PDS5B: variants seen among roughly 807,000 people sequenced by gnomAD.
PDS5B encodes the protein PDS5 cohesin associated factor B, also known as sister chromatid cohesion protein PDS5 homolog B.
A neutral mutation model predicts 184.1 loss-of-function variants in PDS5B; 51 were observed. The observed-to-expected ratio is 0.28, with a 90% CI of 0.22 to 0.35. The LOEUF (loss-of-function observed/expected upper bound fraction) is 0.35. Among genes scored for constraint, PDS5B ranks in the 10% least tolerant of loss-of-function variants. PDS5B has a pLI of 1.00. For missense variants in PDS5B, 1,180 were observed against 1,723.3 expected, an observed-to-expected ratio of 0.68 and a Z score of 5.58; for synonymous variants, 566 against 569.2, an observed-to-expected ratio of 0.99 and a Z score of 0.08.
intron 13 of PDS5B, among the ~76,000 whole-genome samples, chr13:32,693,576 T>G (rs1951614618): frequency 6.6e-6 from 1 of 151,452 alleles, no homozygotes; most frequent in African/African-American, 2.4e-5. Context: ...AAAGTTTTCC[T>G]TGTTTTTGGA....
chr13:32,671,783 C>G (rs1311463600), intron 7 of PDS5B, among the ~76,000 whole-genome samples: 5 of 152,220 alleles, frequency 3.3e-5, no homozygotes, highest in East Asian at 1.9e-4. Flanking sequence ...AAGCTAAAGC[C>G]TAATTAAGCC....
chr13:32,711,792 A>G (rs75543782), intron 19 of PDS5B, among the ~76,000 whole-genome samples: 1,735 of 151,148 alleles, frequency 0.011, 21 homozygotes, highest in Non-Finnish European at 0.019. Flanking sequence ...TCGCACACAC[A>G]TATGTAGTAC....
chr13:32,749,775 A>T (rs1489687452), intron 24 of PDS5B, among the ~76,000 whole-genome samples: 1 of 152,122 alleles, frequency 6.6e-6, no homozygotes, highest in East Asian at 1.9e-4. Flanking sequence ...TAAGCTGCAG[A>T]CTAAAATTAA....
chr13:32,777,501 G>A lies in PDS5B; in HGVS notation c.*2449G>A, dbSNP rs1468266661. 6.6e-6 allele frequency: 1 copy of A among 152,132 alleles called. No individual in the cohort carries two copies. The highest frequency in any genetic ancestry group is 1.5e-5 in the Non-Finnish European group (1 of 67,764). 9.4% of individuals were successfully genotyped at this position (152,132 alleles called of 1,614,324 possible). On this transcript the variant is annotated 3_prime_UTR_variant, in exon 35 of 35. Transcript: ENST00000315596. Reference sequence around the variant, plus strand: ...GCCACATACTTTACAGTAAAATTAAGTGTGTATAAAACATTAATTGCTAAC... The same window carrying A: ...GCCACATACTTTACAGTAAAATTAAATGTGTATAAAACATTAATTGCTAAC...
At chr13:32,678,646 G>A (rs1951139781) in intron 9 of PDS5B, among the ~76,000 whole-genome samples, 189 bp from the exon 10 acceptor site, 1 of 152,288 alleles carries the variant, frequency 6.6e-6, no homozygotes, top group Non-Finnish European at 1.5e-5. Flanking sequence ...GCTCTAGTTT[G>A]TATAGAGTTT....
chr13:32,638,902 G>A (rs1343039770), intron 1 of PDS5B, among the ~76,000 whole-genome samples: 1 of 152,016 alleles, frequency 6.6e-6, no homozygotes, highest in Non-Finnish European at 1.5e-5. Context: ...AAGAGGCTGA[G>A]GGTTTCCGTT....
At chr13:32,691,389 T>C (rs1951545598) in intron 13 of PDS5B, 1 of 152,134 alleles carries the variant, frequency 6.6e-6, no homozygotes, top group Admixed American at 6.6e-5. Context: ...CATGATCTTA[T>C]TCCATTATTT....
chr13:32,590,405 G>A (rs2057756420), intron 1 of PDS5B, among the ~76,000 whole-genome samples: 1 of 152,174 alleles, frequency 6.6e-6, no homozygotes, highest in Non-Finnish European at 1.5e-5. Context: ...GTAGTGGTTG[G>A]CCATCCACAG....
At chr13:32,734,043 T>C (rs1414206559) in intron 20 of PDS5B, among the ~76,000 whole-genome samples, 4 of 149,222 alleles carry the variant, frequency 2.7e-5, no homozygotes, top group Non-Finnish European at 4.4e-5. Flanking sequence ...TTTTTTTTTT[T>C]CTGAGATAGA....
At chr13:32,750,761 C>T (rs562669999) in intron 24 of PDS5B, among the ~76,000 whole-genome samples, 25 of 152,022 alleles carry the variant, frequency 1.6e-4, no homozygotes, top group Non-Finnish European at 3.5e-4. Context: ...AGGCTGGTCT[C>T]GAACTCCTGA....
Position 32,675,858 on chromosome 13 carries a change from G to A in PDS5B, c.861G>A (p.Glu287=), listed in dbSNP as rs376748691. The change falls in exon 9 of 35, where the codon GAG becomes GAA. Residue 287 remains glutamate, a synonymous_variant. Coordinates refer to ENST00000315596, the MANE Select transcript of PDS5B (RefSeq NM_015032.4). ...TTTTATTTTAGAGCAATGATAATGA[G>A]GAGCGCCTACAAGTTGTTAAACTAC... ...LEFKLKSNDN[E]ERLQVVKLLA... is the part of the protein sequence containing the mutation. 9.2e-5 allele frequency: 148 copies of A among 1,606,406 alleles called. No individual in the cohort carries two copies. The highest frequency in any genetic ancestry group is 1.2e-4 in the Non-Finnish European group (140 of 1,173,334).
chr13:32,741,170 A>G lies in PDS5B; in HGVS notation c.2475+22A>G, dbSNP rs1953535524. 4.2e-6 allele frequency: 5 copies of G among 1,198,578 alleles called. No homozygotes were observed. The East Asian group carries it at 1.2e-4, about 28-fold the overall frequency. 74.2% of individuals were successfully genotyped at this position (1,198,578 alleles called of 1,614,324 possible). A position where few individuals can be genotyped will look rare whatever the true frequency, so the allele number is the denominator to read the frequency against. Reference sequence around the variant, plus strand: ...CAAAGTGAGTAATGTGCATAGATCTATTGATTTTAATATAATCACCACATT... The same window carrying G: ...CAAAGTGAGTAATGTGCATAGATCTGTTGATTTTAATATAATCACCACATT... On this transcript the variant is annotated intron_variant, in intron 22 of 34. Transcript: ENST00000315596.
At chr13:32,740,388 T>C (rs759193558) in intron 21 of PDS5B, among the ~76,000 whole-genome samples, 1 of 152,206 alleles carries the variant, frequency 6.6e-6, no homozygotes, top group Non-Finnish European at 1.5e-5. Flanking sequence ...AAATGAGTTA[T>C]AAACTGTGTG....
At chr13:32,731,345 T>C (rs1011642668) in intron 19 of PDS5B, among the ~76,000 whole-genome samples, 2 of 152,158 alleles carry the variant, frequency 1.3e-5, no homozygotes, top group African/African-American at 4.8e-5. Context: ...GTTTGAGTTA[T>C]GAAATAATAC....
intron 12 of PDS5B, among the ~76,000 whole-genome samples, chr13:32,687,496 G>A (rs572255608): frequency 2.6e-5 from 4 of 152,154 alleles, no homozygotes; most frequent in African/African-American, 7.2e-5. Context: ...CAGGTTTTAC[G>A]TTCCATTTTC....
intron 1 of PDS5B, among the ~76,000 whole-genome samples, chr13:32,608,581 G>C (rs1234391041): frequency 2.0e-5 from 3 of 152,190 alleles, no homozygotes; most frequent in Non-Finnish European, 4.4e-5. Flanking sequence ...GACATGAAGT[G>C]GGGGAGATCA....
chr13:32,594,578 T>C (rs2057829277), intron 1 of PDS5B, among the ~76,000 whole-genome samples: 1 of 152,238 alleles, frequency 6.6e-6, no homozygotes, highest in South Asian at 2.1e-4. Flanking sequence ...GTACAGGAAC[T>C]ATGAAAAAAT....
chr13:32,674,738 A>T (rs1444765159), intron 8 of PDS5B, among the ~76,000 whole-genome samples: 2 of 152,090 alleles, frequency 1.3e-5, no homozygotes, highest in Non-Finnish European at 2.9e-5. Context: ...ATGCAGAAGC[A>T]TATAGAGGTA....
intron 19 of PDS5B, among the ~76,000 whole-genome samples, chr13:32,721,982 G>A (rs1360514809): frequency 1.3e-5 from 2 of 152,234 alleles, no homozygotes; most frequent in Non-Finnish European, 2.9e-5. Flanking sequence ...TGCAATCTCA[G>A]CACTTTGGGA....
Sources: gnomAD v4.1 joint callset for allele counts (sites outside exome capture counted in the v4.1 genomes callset) on GRCh38, gnomAD v4.1.1 for gene constraint, MANE v1.5 for transcripts, NCBI Gene and HGNC (gene_info 2026-07-23, HGNC 2026-07-21) for gene names.